Variants in GABBR2 observed in about 807,000 individuals in gnomAD.
GABBR2 encodes the protein G-protein coupled receptor 51.
A neutral mutation model predicts 105.6 loss-of-function variants in GABBR2; 23 were observed. That is an observed-to-expected ratio of 0.22 (90% CI 0.16 to 0.31). GABBR2 has a LOEUF of 0.31. Ranked by LOEUF, GABBR2 falls within the 10% of genes least tolerant of loss-of-function variation. GABBR2 has a pLI of 1.00. For missense variants in GABBR2, 734 were observed against 1,245.5 expected (o/e 0.59, Z 6.18); for synonymous variants, 478 against 499.7 (o/e 0.96, Z 0.58).
intron 2 of GABBR2, among the ~76,000 whole-genome samples, chr9:98,572,610 G>T (rs1412003421): frequency 1.3e-5 from 2 of 152,088 alleles, no homozygotes; most frequent in African/African-American, 4.8e-5. Context: ...CCTGTGTTGG[G>T]GTTGGGGTGG....
chr9:98,539,466 T>A (rs1181462423), intron 3 of GABBR2, among the ~76,000 whole-genome samples: 1 of 152,178 alleles, frequency 6.6e-6, no homozygotes, highest in Admixed American at 6.5e-5. Flanking sequence ...TCCTGACTTT[T>A]CTGTGAACAA....
At chr9:98,669,084 A>G (rs1588276258) in intron 1 of GABBR2, among the ~76,000 whole-genome samples, 3 of 152,072 alleles carry the variant, frequency 2.0e-5, no homozygotes. Context: ...TACTGGATTC[A>G]ATGGTAATTC....
In GABBR2 at chr9:98,289,627, A is replaced by G. The variant is rs1360344399; in HGVS notation, c.*957T>C. ...TCCAATTCACTTTGGTCAGAAACAA[A>G]GTTAGTGGGAAAAAAAAAAAAAAAA... is the stretch of plus-strand genomic sequence containing the variant. On this transcript the variant is annotated 3_prime_UTR_variant, in exon 19 of 19. Transcript: ENST00000259455. 7.5e-6 allele frequency: 1 copy of G among 133,606 alleles called. No homozygotes were observed. Among genetic ancestry groups the G allele is most frequent in the Non-Finnish European group, 1.6e-5 (1 of 64,088 alleles). 8.3% of individuals were successfully genotyped at this position (133,606 alleles called of 1,614,324 possible).
intron 4 of GABBR2, among the ~76,000 whole-genome samples, chr9:98,481,897 T>C (rs890870588): frequency 6.6e-6 from 1 of 152,222 alleles, no homozygotes; most frequent in Non-Finnish European, 1.5e-5. Flanking sequence ...CAACAGACAA[T>C]TACTGAGCAT....
intron 3 of GABBR2, among the ~76,000 whole-genome samples, chr9:98,533,560 C>T (rs1828110524): frequency 1.3e-5 from 2 of 152,168 alleles, no homozygotes; most frequent in South Asian, 2.1e-4. Flanking sequence ...CTGAACATAC[C>T]TGCACCAGGG....
intron 7 of GABBR2, among the ~76,000 whole-genome samples, chr9:98,437,920 C>G (rs1192584297): frequency 6.6e-6 from 1 of 151,240 alleles, no homozygotes; most frequent in Non-Finnish European, 1.5e-5. Context: ...ACCCACATAC[C>G]CATCCATCCA....
intron 11 of GABBR2, among the ~76,000 whole-genome samples, chr9:98,380,106 C>T (rs1792302492): frequency 6.6e-6 from 1 of 152,176 alleles, no homozygotes; most frequent in South Asian, 2.1e-4. Context: ...CAGTGTGTGA[C>T]AGGGCTTCCG....
At chr9:98,440,441 C>A (rs1383456711) in intron 7 of GABBR2, among the ~76,000 whole-genome samples, 1 of 152,176 alleles carries the variant, frequency 6.6e-6, no homozygotes, top group African/African-American at 2.4e-5. Context: ...GTTCCACACT[C>A]TTAACCATTT....
intron 1 of GABBR2, chr9:98,607,324 G>C: frequency 2.6e-6 from 2 of 778,830 alleles, no homozygotes; most frequent in Non-Finnish European, 4.7e-6. Context: ...ATACTTCATT[G>C]CTCCTTCAGG....
At chr9:98,546,679 A>G (rs1331609767) in intron 2 of GABBR2, among the ~76,000 whole-genome samples, 2 of 152,224 alleles carry the variant, frequency 1.3e-5, no homozygotes, top group African/African-American at 4.8e-5. Flanking sequence ...GTTTTTAAAT[A>G]CACATCTTGA....
intron 13 of GABBR2, among the ~76,000 whole-genome samples, chr9:98,315,607 G>A (rs1213041535): frequency 1.3e-5 from 2 of 152,246 alleles, no homozygotes; most frequent in African/African-American, 4.8e-5. Flanking sequence ...AGCCACACAT[G>A]GGGAGAGATG....
chr9:98,708,160 T>C (rs752202365), intron 1 of GABBR2, among the ~76,000 whole-genome samples: 6 of 152,072 alleles, frequency 3.9e-5, no homozygotes, highest in Non-Finnish European at 8.8e-5. Context: ...CCCAGTCTTC[T>C]ATCCCACCCC....
chr9:98,366,664 G>A (rs777509090), intron 12 of GABBR2, among the ~76,000 whole-genome samples: 23 of 152,184 alleles, frequency 1.5e-4, no homozygotes, highest in Non-Finnish European at 3.4e-4. Flanking sequence ...CACCATTCAG[G>A]AGGAATACAG....
intron 6 of GABBR2, among the ~76,000 whole-genome samples, chr9:98,461,534 A>T (rs538076764): frequency 6.6e-6 from 1 of 152,330 alleles, no homozygotes; most frequent in Non-Finnish European, 1.5e-5. Context: ...CATAAAATTA[A>T]ATATATTATT....
rs1227020947 is a variant in GABBR2 at position 98,388,641 on chromosome 9, GT to G, written c.1529+212del. ...CCTCTGTGTGTGTGTGTGTGTGTGT[GT>G]GTGTGTGTGTGTGTGTGTGCGTGCA... is the stretch of plus-strand genomic sequence containing the variant. On this transcript the variant is annotated intron_variant, in intron 10 of 18. Coordinates refer to ENST00000259455, the MANE Select transcript of GABBR2 (RefSeq NM_005458.8). The surrounding 1 kb of genome is among the most constrained non-coding windows in gnomAD (Gnocchi z 4.4). Among the ~76,000 whole-genome samples, 4 of 151,896 alleles carry G rather than the reference GT, an allele frequency of 2.6e-5. No homozygotes were observed. The highest frequency in any genetic ancestry group is 6.6e-5 in the Admixed American group (1 of 15,248).
chr9:98,513,998 G>A (rs1016790143), intron 3 of GABBR2, among the ~76,000 whole-genome samples: 1 of 152,072 alleles, frequency 6.6e-6, no homozygotes, highest in African/African-American at 2.4e-5. Context: ...CAAAGACTTG[G>A]AACCAACCTA....
intron 1 of GABBR2, among the ~76,000 whole-genome samples, chr9:98,660,985 A>C (rs1340113479): frequency 6.6e-6 from 1 of 152,136 alleles, no homozygotes; most frequent in African/African-American, 2.4e-5. Flanking sequence ...AGCTCACTGC[A>C]ACCTCCTCCT....
intron 4 of GABBR2, among the ~76,000 whole-genome samples, chr9:98,491,767 G>T (rs75252212): frequency 6.6e-6 from 1 of 152,042 alleles, no homozygotes; most frequent in Non-Finnish European, 1.5e-5. Context: ...GCCTATTGCC[G>T]TATCTATTTT....
chr9:98,633,199 T>G (rs1564136320), intron 1 of GABBR2, among the ~76,000 whole-genome samples: 1 of 151,984 alleles, frequency 6.6e-6, no homozygotes, highest in Non-Finnish European at 1.5e-5. Flanking sequence ...GTCAGGGTGG[T>G]GTGAGAAGTG....
Sources: allele counts gnomAD v4.1 joint callset (sites outside exome capture counted in the v4.1 genomes callset), GRCh38; gene constraint gnomAD v4.1.1; non-coding constraint Gnocchi (gnomAD v3.1); transcripts MANE v1.5; gene names NCBI Gene and HGNC (gene_info 2026-07-23, HGNC 2026-07-21).